Variants in ATP5F1A observed in about 807,000 individuals in gnomAD.
ATP5F1A encodes ATP synthase F(1) complex subunit alpha, mitochondrial.
Under a neutral mutation model 57.4 loss-of-function variants are expected in ATP5F1A, and 24 were observed. The ratio of observed to expected loss-of-function variants is 0.42; its 90% confidence interval spans 0.30 to 0.59. The LOEUF (loss-of-function observed/expected upper bound fraction) is 0.59. ATP5F1A is among the 20% of genes least tolerant of loss of function. The probability of loss-of-function intolerance (pLI) is 0.19; values close to 1 mark genes in which losing one functional copy is unlikely to be tolerated. For missense variants in ATP5F1A, 494 were observed against 707.9 expected (o/e 0.70, Z 3.43); for synonymous variants, 251 against 255.5 (o/e 0.98, Z 0.17).
At chr18:46,084,404 A>G (rs1397136901) in intron 11 of ATP5F1A, 41 bp from the exon 12 acceptor site, 1 of 1,597,340 alleles carries the variant, frequency 6.3e-7, no homozygotes, top group African/African-American at 1.4e-5. Flanking sequence ...CTGACCTGGA[A>G]AAAGTTTTAA....
chr18:46,098,269 C>A lies in ATP5F1A; in HGVS notation c.-38G>T, dbSNP rs749817204. 19 of 1,589,762 alleles carry A rather than the reference C, an allele frequency of 1.2e-5. No individual in the cohort carries two copies. The African/African-American group carries it at 2.4e-4, about 20-fold the overall frequency. ...TCCGCAGGCGGTACTTCTGCAGCCG[C>A]AGCCTCCGGACTGACTGGGACAAAA... On this transcript the variant is annotated 5_prime_UTR_variant, in exon 1 of 12. Coordinates refer to ENST00000398752, the MANE Select transcript of ATP5F1A (RefSeq NM_004046.6).
upstream of ATP5F1A, among the ~76,000 whole-genome samples, chr18:46,101,410 C>A (rs900412010): frequency 1.3e-5 from 2 of 151,790 alleles, no homozygotes; most frequent in Non-Finnish European, 2.9e-5. Context: ...ACTAAAAAAT[C>A]AAAAATTAGC....
intron 1 of ATP5F1A, among the ~76,000 whole-genome samples, chr18:46,097,294 A>G (rs1442100782): frequency 1.3e-5 from 2 of 152,108 alleles, no homozygotes; most frequent in Non-Finnish European, 2.9e-5. Context: ...CACCTTTCAA[A>G]TTGAGATTAC....
At chr18:46,095,399 G>A (rs1244099574) in intron 1 of ATP5F1A, among the ~76,000 whole-genome samples, 8 of 151,990 alleles carry the variant, frequency 5.3e-5, no homozygotes, top group Admixed American at 2.6e-4. Flanking sequence ...ACGGCTCACT[G>A]CATCCTCCAC....
chr18:46,085,985 T>A (rs1260559149), intron 10 of ATP5F1A, 128 bp downstream of exon 10: 10 of 1,018,208 alleles, frequency 9.8e-6, no homozygotes, highest in Non-Finnish European at 1.4e-5. Context: ...TAAGTAAAAG[T>A]GCCTTTGATG....
chr18:46,097,170 C>T (rs987136781), intron 1 of ATP5F1A, among the ~76,000 whole-genome samples: 2 of 151,960 alleles, frequency 1.3e-5, no homozygotes, highest in African/African-American at 4.8e-5. Flanking sequence ...AATTCTGAAG[C>T]CTCTACCTTC....
In ATP5F1A at chr18:46,088,123, C is replaced by T; in HGVS notation, c.785G>A (p.Arg262Lys). 4.4e-6 allele frequency: 7 copies of T among 1,596,710 alleles called. No individual in the cohort carries two copies. Among genetic ancestry groups the T allele is most frequent in the Non-Finnish European group, 5.9e-6 (7 of 1,176,638 alleles). Reference protein sequence around the residue: ...KRSTVAQLVKRLTDADAMKYT... With the variant: ...KRSTVAQLVKKLTDADAMKYT... ...TCTTTTAATACCTGCATCTGTAAGT[C>T]TCTTCACCAACTGGGCAACAGTGGA... Residue 262 changes from arginine to lysine, a missense_variant, in exon 6 of 12, where the codon AGA (arginine) becomes AAA (lysine). By Grantham distance (26) the Arg-to-Lys change is conservative (BLOSUM62 2). Around this residue, in one of 6 missense-constraint regions of ATP5F1A, gnomAD observed 191 missense variants for 267.7 expected, o/e 0.71. Transcript: ENST00000398752.
At chr18:46,098,819 T>C (rs568936584), upstream of ATP5F1A, among the ~76,000 whole-genome samples, 362 of 152,328 alleles carry the variant, frequency 2.4e-3, 3 homozygotes, top group Non-Finnish European at 3.7e-3. Flanking sequence ...CAATCTGAAT[T>C]TTTAACAAAC....
intron 1 of ATP5F1A, among the ~76,000 whole-genome samples, chr18:46,096,260 G>C (rs886275033): frequency 1.3e-5 from 2 of 152,012 alleles, no homozygotes; most frequent in African/African-American, 4.8e-5. Context: ...CAGCACTTTG[G>C]GAGGCCAAGG....
Position 46,086,639 on chromosome 18 carries a change from G to C in ATP5F1A, c.1177-145C>G, listed in dbSNP as rs990572839. 5.7e-5 allele frequency: 41 copies of C among 719,310 alleles called. No homozygotes were observed. The South Asian group carries it at 7.8e-4, about 14-fold the overall frequency. The allele number at this position is 719,310 out of a possible 1,614,324, so 44.6% of individuals were successfully genotyped here. A position where few individuals can be genotyped will look rare whatever the true frequency, so the allele number is the denominator to read the frequency against. On this transcript the variant is annotated intron_variant, in intron 8 of 11. Transcript: ENST00000398752. The stretch of plus-strand genomic sequence containing the variant: ...CCCCAAATCTTTCACGACCTGACCT[G>C]TATATTTTATTGCTGCAATTAGGAG...
chr18:46,098,162 C>G lies in ATP5F1A; in HGVS notation c.60+10G>C, dbSNP rs941506514. On this transcript the variant is annotated intron_variant, in intron 1 of 11. Coordinates refer to ENST00000398752, the MANE Select transcript of ATP5F1A (RefSeq NM_004046.6). Reference sequence around the variant, plus strand: ...CGGCCGCCTGCATCATGCCGGCCTTCGGTGCTCACCAGTCCGGCCCGCCGA... The same window carrying G: ...CGGCCGCCTGCATCATGCCGGCCTTGGGTGCTCACCAGTCCGGCCCGCCGA... 6.3e-7 allele frequency: 1 copy of G among 1,599,864 alleles called. No individual in the cohort carries two copies. The highest frequency in any genetic ancestry group is 1.7e-4 in the Middle Eastern group (1 of 5,904).
At chr18:46,092,370 A>T (rs1910629518) in intron 2 of ATP5F1A, among the ~76,000 whole-genome samples, 1 of 151,502 alleles carries the variant, frequency 6.6e-6, no homozygotes, top group Non-Finnish European at 1.5e-5. Context: ...GCACTTTAGG[A>T]GGCTGAGGCA....
rs1346712838 is a variant in ATP5F1A, at chr18:46,080,465, C to T, written c.*3817G>A. 3 of 152,186 alleles carry T rather than the reference C, an allele frequency of 2.0e-5. No homozygotes were observed. The highest frequency in any genetic ancestry group is 4.4e-5 in the Non-Finnish European group (3 of 68,048). 9.4% of individuals were successfully genotyped at this position (152,186 alleles called of 1,614,324 possible). ...AAAAACAGCCAGGTGCCTATGAGGT[C>T]TCCTATGTCATTAGTCTGTAAGTAC... On this transcript the variant is annotated 3_prime_UTR_variant, in exon 12 of 12. Transcript: ENST00000398752.
At chr18:46,103,742 C>T (rs1333647350) in intron 1 of ATP5F1A, among the ~76,000 whole-genome samples, 5 of 151,954 alleles carry the variant, frequency 3.3e-5, no homozygotes, top group African/African-American at 9.7e-5. Flanking sequence ...GGTGAAACCC[C>T]GTCTCTACTA....
chr18:46,087,432 T>G lies in ATP5F1A; in HGVS notation c.860A>C (p.Tyr287Ser). The change falls in exon 7 of 12, where the codon TAC (tyrosine) becomes TCC (serine). Residue 287 changes from tyrosine to serine, a missense_variant. Transcript: ENST00000398752. Reference sequence around the variant, plus strand: ...GGAACAGCCAGAGTAAGGAGCCAGGTACTGAAGTGGGGCAGCATCCGAGGC... The same window carrying G: ...GGAACAGCCAGAGTAAGGAGCCAGGGACTGAAGTGGGGCAGCATCCGAGGC... Reference protein sequence around the residue: ...ATASDAAPLQYLAPYSGCSMG... With the variant: ...ATASDAAPLQSLAPYSGCSMG... 6.2e-7 allele frequency: 1 copy of G among 1,614,218 alleles called. No individual in the cohort carries two copies. Among genetic ancestry groups the G allele is most frequent in the Non-Finnish European group, 8.5e-7 (1 of 1,180,042 alleles).
upstream of ATP5F1A, among the ~76,000 whole-genome samples, chr18:46,102,172 T>C (rs1911294984): frequency 1.5e-5 from 2 of 132,406 alleles, no homozygotes; most frequent in African/African-American, 6.1e-5. Context: ...AGACTCCCTC[T>C]CAAAAAAAAA....
At chr18:46,092,229 A>AATAATG (rs1236952158) in intron 2 of ATP5F1A, 1 of 134,800 alleles carries the variant, frequency 7.4e-6, no homozygotes, top group Non-Finnish European at 1.6e-5. Flanking sequence ...TAATAATAAT[A>AATAATG]AAAATCTGGT....
upstream of ATP5F1A, among the ~76,000 whole-genome samples, chr18:46,100,342 A>C (rs1911241133): frequency 6.6e-6 from 1 of 152,162 alleles, no homozygotes; most frequent in African/African-American, 2.4e-5. Flanking sequence ...AAATCTATAA[A>C]TTTAAAACAT....
rs751194998 is a variant in ATP5F1A at position 46,084,411 on chromosome 18, T to C, written c.1581-48A>G. On this transcript the variant is annotated intron_variant, in intron 11 of 11. Transcript: ENST00000398752. ...CGTAAGTTCTGACCTGGAAAAAGTT[T>C]TAATGACTAGCCTAACTACAGATTT... is the stretch of plus-strand genomic sequence containing the variant. 8 of 1,594,278 alleles carry C rather than the reference T, an allele frequency of 5.0e-6. 1 individual carries two copies. In the South Asian group the frequency reaches 5.8e-5, roughly 11 times the overall value.
Sources: allele counts gnomAD v4.1 joint callset (sites outside exome capture counted in the v4.1 genomes callset), GRCh38; gene constraint gnomAD v4.1.1; regional missense constraint gnomAD v4.1.1; transcripts MANE v1.5; gene names NCBI Gene and HGNC (gene_info 2026-07-23, HGNC 2026-07-21).